DLG2: variants seen among roughly 807,000 people sequenced by gnomAD.
The protein encoded by DLG2 is discs large MAGUK scaffold protein 2.
DLG2 carries 45 observed loss-of-function variants against 132.5 expected under a neutral mutation model. The observed-to-expected ratio is 0.34, with a 90% CI of 0.27 to 0.44. The LOEUF is 0.44. Ranked by LOEUF, DLG2 falls within the 20% of genes least tolerant of loss-of-function variation. The pLI, the probability that DLG2 is intolerant of heterozygous loss-of-function variation, is 1.00. For synonymous variants in DLG2, 424 were observed against 419.6 expected (o/e 1.01, Z -0.13); for missense variants, 1,045 against 1,196.9 (o/e 0.87, Z 1.87).
At chr11:84,494,603 C>T (rs550822961) in intron 7 of DLG2, among the ~76,000 whole-genome samples, 120 of 152,126 alleles carry the variant, frequency 7.9e-4, no homozygotes, top group South Asian at 2.3e-3. Context: ...CCAAGGGGTC[C>T]GGAAGTAGTA....
In DLG2 at chr11:83,741,170, A is replaced by G. The variant is rs1391959086; in HGVS notation, c.1825+45520T>C. On this transcript the variant is annotated intron_variant, in intron 18 of 27. Transcript: ENST00000376104. ...ACATAACCTCAATATAATAAGAGAC[A>G]TTTATGACAAACCCACAGCCATTAT... Among the ~76,000 whole-genome samples the G allele has an allele frequency of 2.6e-5, 4 of 152,312 alleles. No homozygotes were observed. In the East Asian group the frequency reaches 7.7e-4, roughly 29 times the overall value.
intron 11 of DLG2, among the ~76,000 whole-genome samples, chr11:83,987,799 T>C (rs2093434453): frequency 6.6e-6 from 1 of 152,162 alleles, no homozygotes; most frequent in Admixed American, 6.6e-5. Context: ...AAGGACTTTT[T>C]TGACTTTTTA....
At chr11:84,184,024 C>A (rs9704099) in intron 8 of DLG2, among the ~76,000 whole-genome samples, 1 of 151,490 alleles carries the variant, frequency 6.6e-6, no homozygotes, top group Non-Finnish European at 1.5e-5. Context: ...TGAATAATGC[C>A]GCAATAAACA....
intron 6 of DLG2, among the ~76,000 whole-genome samples, chr11:84,631,053 C>T (rs922639122): frequency 6.9e-6 from 1 of 144,032 alleles, no homozygotes; most frequent in Non-Finnish European, 1.5e-5. Flanking sequence ...CACACACACA[C>T]ACACAGAAAC....
At chr11:84,877,619 T>C (rs2086590327) in intron 6 of DLG2, among the ~76,000 whole-genome samples, 1 of 143,488 alleles carries the variant, frequency 7.0e-6, no homozygotes, top group South Asian at 2.4e-4. Flanking sequence ...GTCTCCTGAA[T>C]ACAGCACACT....
chr11:85,263,179 A>C (rs76963567), intron 4 of DLG2, among the ~76,000 whole-genome samples: 1 of 152,222 alleles, frequency 6.6e-6, no homozygotes, highest in African/African-American at 2.4e-5. Flanking sequence ...TGAATACTGC[A>C]TGAGCAACCC....
At chr11:84,061,234 T>C (rs2096586211) in intron 10 of DLG2, among the ~76,000 whole-genome samples, 1 of 152,202 alleles carries the variant, frequency 6.6e-6, no homozygotes, top group Non-Finnish European at 1.5e-5. Context: ...AAATTGGATA[T>C]AATAGTAATA....
chr11:85,385,639 T>C (rs894337447), intron 3 of DLG2, among the ~76,000 whole-genome samples: 1 of 152,188 alleles, frequency 6.6e-6, no homozygotes, highest in Non-Finnish European at 1.5e-5. Context: ...GTAAACTCCA[T>C]GTTTTTATTC....
At chr11:85,220,043 T>C (rs188055004) in intron 4 of DLG2, among the ~76,000 whole-genome samples, 23 of 152,178 alleles carry the variant, frequency 1.5e-4, no homozygotes, top group African/African-American at 4.8e-4. Context: ...CATCACATAT[T>C]TATGAAGTAC....
chr11:83,763,171 G>T (rs750393029), intron 18 of DLG2, among the ~76,000 whole-genome samples: 1 of 152,092 alleles, frequency 6.6e-6, no homozygotes, highest in Non-Finnish European at 1.5e-5. Flanking sequence ...CTGAAATTAA[G>T]AATTTTTTTA....
chr11:83,629,751 C>T (rs2063246996), intron 19 of DLG2, among the ~76,000 whole-genome samples: 1 of 152,072 alleles, frequency 6.6e-6, no homozygotes, highest in Admixed American at 6.6e-5. Context: ...ACTCACTCTT[C>T]CAAGGCAGTG....
intron 6 of DLG2, chr11:85,021,054 C>A: frequency 1.3e-6 from 1 of 772,908 alleles, no homozygotes; most frequent in Non-Finnish European, 2.4e-6. Context: ...TTCCAGGTTT[C>A]CCAGGAGAGA....
At chr11:83,651,966 T>G in intron 18 of DLG2, 1 of 454,208 alleles carries the variant, frequency 2.2e-6, no homozygotes, top group Non-Finnish European at 4.6e-6. Flanking sequence ...ACCTGAAATC[T>G]ACACACTTAA....
intron 16 of DLG2, among the ~76,000 whole-genome samples, chr11:83,873,123 A>T: frequency 6.6e-6 from 1 of 152,214 alleles, no homozygotes; most frequent in African/African-American, 2.4e-5. Flanking sequence ...GTACCACATT[A>T]TAGAGGACAG....
chr11:84,891,663 A>G (rs2089417895), intron 6 of DLG2, among the ~76,000 whole-genome samples: 1 of 152,218 alleles, frequency 6.6e-6, no homozygotes, highest in South Asian at 2.1e-4. Flanking sequence ...AGAGGAAATC[A>G]TCTTTATCAT....
At chr11:84,960,013 T>C (rs118078316) in intron 6 of DLG2, among the ~76,000 whole-genome samples, 2,583 of 152,326 alleles carry the variant, frequency 0.017, 31 homozygotes, top group Non-Finnish European at 0.026. Flanking sequence ...AATAAATATC[T>C]ACTATGTTCC....
rs55687163 is a variant in DLG2 at position 84,268,618 on chromosome 11, C to T, written c.520-17327G>A. ...CTGGGACTACAGGCGCATGCCACCA[C>T]GCCCGGCTAATTTTTTGTATTTTTA... On this transcript the variant is annotated intron_variant, in intron 7 of 27. Coordinates refer to ENST00000376104, the MANE Select transcript of DLG2 (RefSeq NM_001142699.3). Among the ~76,000 whole-genome samples, 1,056 of 144,330 alleles carry T rather than the reference C, an allele frequency of 7.3e-3. 6 individuals carry two copies. Among genetic ancestry groups the T allele is most frequent in the Middle Eastern group, 0.014 (4 of 278 alleles). The allele number at this position is 144,330 out of a possible 152,430, so 94.7% of individuals were successfully genotyped here. A position where few individuals can be genotyped will look rare whatever the true frequency, so the allele number is the denominator to read the frequency against.
rs540392200 is a variant in DLG2 at position 84,750,450 on chromosome 11, C to T, written c.358-215719G>A. On this transcript the variant is annotated intron_variant, in intron 6 of 27. Coordinates refer to ENST00000376104, the MANE Select transcript of DLG2 (RefSeq NM_001142699.3). ...TAAGATTTGAGGTTTGGCATAGGCC[C>T]GTACATGTTTTTCTATTGCTGAGTT... 1.7e-3 allele frequency among the ~76,000 whole-genome samples: 252 copies of T among 151,984 alleles called. 2 individuals are homozygous for T. Among genetic ancestry groups the T allele is most frequent in the Middle Eastern group, 0.014 (4 of 294 alleles).
chr11:85,539,619 A>T (rs2075828011), intron 3 of DLG2, among the ~76,000 whole-genome samples: 1 of 152,198 alleles, frequency 6.6e-6, no homozygotes, highest in South Asian at 2.1e-4. Flanking sequence ...AAACCACCAA[A>T]TTGTACACTT....
Sources: gnomAD v4.1 joint callset for allele counts (sites outside exome capture counted in the v4.1 genomes callset) on GRCh38, gnomAD v4.1.1 for gene constraint, MANE v1.5 for transcripts, NCBI Gene and HGNC (gene_info 2026-07-23, HGNC 2026-07-21) for gene names.